The following ANKRD24 variants were observed in gnomAD, a reference collection of about 807,000 sequenced individuals.
The protein encoded by ANKRD24 is ankyrin repeat domain-containing protein 24.
In ANKRD24, 109 loss-of-function variants were observed where a neutral mutation model predicts 127.8. That is an observed-to-expected ratio of 0.85 (90% CI 0.73 to 1.00). The LOEUF (loss-of-function observed/expected upper bound fraction) is 1.00, where lower values mean the gene tolerates loss of function less well. Among genes scored for constraint, ANKRD24 ranks in the 50% least tolerant of loss-of-function variants. ANKRD24 has a pLI of 0.00. For missense variants in ANKRD24, 1,648 were observed against 1,570.2 expected, an observed-to-expected ratio of 1.05 and a Z score of -0.84; for synonymous variants, 743 against 671.1, an observed-to-expected ratio of 1.11 and a Z score of -1.66.
Position 4,210,117 on chromosome 19 carries a change from T to G in ANKRD24, c.930T>G (p.Pro310=). The G allele has an allele frequency of 1.9e-6, 3 of 1,609,832 alleles. No individual in the cohort carries two copies. The highest frequency in any genetic ancestry group is 2.5e-6 in the Non-Finnish European group (3 of 1,178,428). ...CCAAGAAGCGGAAGGCGCCTCCACCTCCCGCCAGCATTCCCATGCCGGTGA... is the reference window on the plus strand; with the variant it reads ...CCAAGAAGCGGAAGGCGCCTCCACCGCCCGCCAGCATTCCCATGCCGGTGA... ...GAPKKRKAPP[P]PASIPMPDDR... Residue 310 remains proline, a synonymous_variant, in exon 12 of 22, where the codon CCT becomes CCG. Transcript: ENST00000318934.
chr19:4,194,975 T>C (rs1968615283), intron 2 of ANKRD24, among the ~76,000 whole-genome samples: 2 of 150,368 alleles, frequency 1.3e-5, no homozygotes, highest in South Asian at 4.2e-4. Flanking sequence ...GATTGATTGA[T>C]TGATTTTTTT....
chr19:4,222,540 G>A lies in ANKRD24; in HGVS notation c.3172-130G>A, dbSNP rs140877110. 661 of 1,161,688 alleles carry A rather than the reference G, an allele frequency of 5.7e-4. 3 individuals carry two copies. The African/African-American group carries it at 9.6e-3, about 17-fold the overall frequency. The allele number at this position is 1,161,688 out of a possible 1,614,324, so 72.0% of individuals were successfully genotyped here. A position where few individuals can be genotyped will look rare whatever the true frequency, so the allele number is the denominator to read the frequency against. On this transcript the variant is annotated intron_variant, in intron 19 of 21. Transcript: ENST00000318934. ...GGCCAGACGTGGCCCTCAGGCCAGA[G>A]TTTGCTAACCCCAGGGACGGGACCT...
In ANKRD24 at chr19:4,216,372, A is replaced by G; in HGVS notation, c.1359A>G (p.Arg453=). 1 of 1,573,640 alleles carries G rather than the reference A, an allele frequency of 6.4e-7. No homozygotes were observed. The highest frequency in any genetic ancestry group is 8.6e-7 in the Non-Finnish European group (1 of 1,159,736). ...AGGAACAGGTGGCTGTGCTCACCAG[A>G]CAGAACCAGGAACTGATGGAGAAGG... ...SLQEQVAVLT[R]QNQELMEKVQ... Residue 453 remains arginine, a synonymous_variant, in exon 17 of 22, where the codon AGA becomes AGG. Transcript: ENST00000318934.
intron 6 of ANKRD24, among the ~76,000 whole-genome samples, 192 bp from the exon 7 acceptor site, chr19:4,202,677 C>T (rs1969159103): frequency 6.6e-6 from 1 of 152,184 alleles, no homozygotes; most frequent in South Asian, 2.1e-4. Context: ...CCAGCCACTC[C>T]TCAAATTCTC....
rs1599464499 is a variant in ANKRD24 at position 4,217,908 on chromosome 19, C to T, written c.2748C>T (p.Ala916=). 1 of 1,485,532 alleles carries T rather than the reference C, an allele frequency of 6.7e-7. No homozygotes were observed. Among genetic ancestry groups the T allele is most frequent in the Non-Finnish European group, 8.9e-7 (1 of 1,125,342 alleles). 92.0% of individuals were successfully genotyped at this position (1,485,532 alleles called of 1,614,324 possible). ...SEALRQSVVP[A]SEHRRLQEEA... is the part of the protein sequence containing the mutation. ...CCCTCCGCCAGTCCGTGGTGCCGGC[C>T]TCTGAGCACCGCCGGCTGCAGGAGG... is the stretch of plus-strand genomic sequence containing the variant. The change falls in exon 18 of 22, where the codon GCC becomes GCT. Residue 916 remains alanine (A), a synonymous_variant. Coordinates refer to ENST00000318934, the MANE Select transcript of ANKRD24 (RefSeq NM_001393985.1).
chr19:4,205,709 G>A (rs537687984), intron 7 of ANKRD24, among the ~76,000 whole-genome samples: 4 of 152,010 alleles, frequency 2.6e-5, no homozygotes, highest in African/African-American at 9.6e-5. Flanking sequence ...TTAGCCAGGC[G>A]TGATGGCTCA....
At chr19:4,183,393 C>G (rs1967852932) in intron 1 of ANKRD24, 1 of 971,026 alleles carries the variant, frequency 1.0e-6, no homozygotes, top group African/African-American at 1.8e-5. Flanking sequence ...GTGTTGAGTA[C>G]CTACTTTGTA....
rs1970633771 is a variant in ANKRD24 at position 4,224,497 on chromosome 19, G to A, written c.3433G>A (p.Gly1145Ser). ...GCAGATGCAGAGACTCCAGGCTCAGGGCCGCTGAGAAAGGCCAGGCCCAGT... is the reference window on the plus strand; with the variant it reads ...GCAGATGCAGAGACTCCAGGCTCAGAGCCGCTGAGAAAGGCCAGGCCCAGT... ...ILQMQRLQAQ[G>S]R The change falls in exon 22 of 22, where the codon GGC (glycine) becomes AGC (serine). Residue 1145 changes from glycine (G) to serine (S), a missense_variant. Coordinates refer to ENST00000318934, the MANE Select transcript of ANKRD24 (RefSeq NM_001393985.1). 6 of 1,608,572 alleles carry A rather than the reference G, an allele frequency of 3.7e-6. No individual in the cohort carries two copies. The highest frequency in any genetic ancestry group is 5.1e-6 in the Non-Finnish European group (6 of 1,177,754).
At chr19:4,223,010 A>ATC (rs1970525494) in intron 20 of ANKRD24, among the ~76,000 whole-genome samples, 1 of 152,060 alleles carries the variant, frequency 6.6e-6, no homozygotes, top group African/African-American at 2.4e-5. Flanking sequence ...CAGTGGCACA[A>ATC]TCTCAGCTCA....
At position 4,217,468 on chromosome 19, in the gene ANKRD24, G is replaced by T; in HGVS notation, c.2308G>T (p.Glu770Ter). 6.8e-7 allele frequency: 1 copy of T among 1,475,738 alleles called. No homozygotes were observed. The allele number at this position is 1,475,738 out of a possible 1,614,324, so 91.4% of individuals were successfully genotyped here. A position where few individuals can be genotyped will look rare whatever the true frequency, so the allele number is the denominator to read the frequency against. Reference protein sequence around the residue: ...EAGRLRERVREAEGSGASGGG... With the variant: ...EAGRLRERVR Reference sequence around the variant, plus strand: ...AGGCCGGCTGCGAGAGCGTGTCCGCGAGGCCGAGGGCAGCGGGGCCAGCGG... The same window carrying T: ...AGGCCGGCTGCGAGAGCGTGTCCGCTAGGCCGAGGGCAGCGGGGCCAGCGG... Residue 770 changes from glutamate to a stop codon, truncating the protein, a stop_gained, in exon 18 of 22, where the codon GAG becomes TAG. Transcript: ENST00000318934. LOFTEE classifies it high-confidence loss of function.
rs369497636 is a variant in ANKRD24 at position 4,219,624 on chromosome 19, C to T, written c.3037C>T (p.Arg1013Ter). 9.1e-5 allele frequency: 146 copies of T among 1,613,010 alleles called. No individual in the cohort carries two copies. The highest frequency in any genetic ancestry group is 1.7e-4 in the Admixed American group (10 of 59,912). ...TGAGGCCCTGTTCATGAAGAGTGAG[C>T]GACACGCAGCCGAGGCACAGCTGGC... ...QREALFMKSE[R>*]HAAEAQLATA... The change falls in exon 19 of 22, where the codon CGA (arginine) becomes TGA (stop). Residue 1013 changes from arginine to a stop codon, truncating the protein, a stop_gained. Coordinates refer to ENST00000318934, the MANE Select transcript of ANKRD24 (RefSeq NM_001393985.1). LOFTEE classifies it high-confidence loss of function.
intron 15 of ANKRD24, among the ~76,000 whole-genome samples, chr19:4,212,907 C>T (rs61349645): frequency 0.04 from 6,030 of 152,236 alleles, 419 homozygotes; most frequent in African/African-American, 0.14. Context: ...CCGAGGCGGG[C>T]GGATCACGAG....
chr19:4,224,078 G>A, intron 20 of ANKRD24, 49 bp from the exon 21 acceptor site: 4 of 1,548,012 alleles, frequency 2.6e-6, no homozygotes, highest in Non-Finnish European at 3.5e-6. Context: ...GTTTTGCTCA[G>A]TGGGGAGGTG....
chr19:4,192,007 T>G (rs904600994), intron 2 of ANKRD24, among the ~76,000 whole-genome samples: 1 of 151,796 alleles, frequency 6.6e-6, no homozygotes, highest in Non-Finnish European at 1.5e-5. Flanking sequence ...CAGGCTGGTC[T>G]CAAACTACTG....
At chr19:4,191,781 C>CTATT (rs199768010) in intron 2 of ANKRD24, among the ~76,000 whole-genome samples, 16,528 of 144,842 alleles carry the variant, frequency 0.11, 1,379 homozygotes, top group East Asian at 0.35. Flanking sequence ...CGTCCCCAGC[C>CTATT]TATTTATTTA....
intron 5 of ANKRD24, 62 bp from the exon 6 acceptor site, chr19:4,201,964 G>A (rs1757267494): frequency 1.4e-6 from 2 of 1,437,626 alleles, no homozygotes; most frequent in Admixed American, 1.7e-5. Context: ...GACATGGCTT[G>A]GGGAGCAGCT....
chr19:4,190,594 A>G (rs1487543587), intron 2 of ANKRD24, among the ~76,000 whole-genome samples: 1 of 151,280 alleles, frequency 6.6e-6, no homozygotes, highest in Non-Finnish European at 1.5e-5. Flanking sequence ...GCAGCCGGGC[A>G]TGGTGGTGGG....
chr19:4,187,678 C>G (rs999652590), intron 2 of ANKRD24, among the ~76,000 whole-genome samples: 2 of 152,208 alleles, frequency 1.3e-5, no homozygotes, highest in Non-Finnish European at 2.9e-5. Flanking sequence ...CCTCCAGGGA[C>G]AGGCAATCAG....
At chr19:4,183,473 A>T in intron 1 of ANKRD24, 6 of 440,466 alleles carry the variant, frequency 1.4e-5, no homozygotes, top group Non-Finnish European at 1.8e-5. Context: ...CAAACATGTG[A>T]CCAGGTAATG....
Sources: allele counts gnomAD v4.1 joint callset (sites outside exome capture counted in the v4.1 genomes callset), GRCh38; gene constraint gnomAD v4.1.1; transcripts MANE v1.5; gene names NCBI Gene and HGNC (gene_info 2026-07-23, HGNC 2026-07-21).